The following LDLRAP1 variants were observed in gnomAD, a reference collection of about 807,000 sequenced individuals.
LDLRAP1 encodes the protein low density lipoprotein receptor adaptor protein 1.
In LDLRAP1, 30 loss-of-function variants were observed where a neutral mutation model predicts 37.8. The ratio of observed to expected loss-of-function variants is 0.79; its 90% confidence interval spans 0.59 to 1.08. The LOEUF (loss-of-function observed/expected upper bound fraction) is 1.08. LDLRAP1 is among the 50% of genes least tolerant of loss of function. The pLI is 0.00. For missense variants in LDLRAP1, 375 were observed against 401.6 expected (o/e 0.93, Z 0.57); for synonymous variants, 156 against 169.8 (o/e 0.92, Z 0.63).
At chr1:25,586,525 CAT>C in the LDLRAP1 span, among the ~76,000 whole-genome samples, 2 of 151,274 alleles carry the variant, frequency 1.3e-5, no homozygotes, top group Non-Finnish European at 1.5e-5. The surrounding 1 kb of genome is among the most constrained non-coding windows in gnomAD (Gnocchi z 4.3). Context: ...TGTGTGCCTA[CAT>C]GTGTGTGCGT....
In LDLRAP1 at chr1:25,544,406, G is replaced by A. The variant is rs1447042169; in HGVS notation, c.88+620G>A. ...GCCTCGGGAGAGCCCCACATCAGGC[G>A]ATCTAGACCCTTACGTCCCTTCCTC... On this transcript the variant is annotated intron_variant, in intron 1 of 8. Transcript: ENST00000374338. This position sits in a 1 kb window ranked among gnomAD's most constrained non-coding sequence, Gnocchi z 4.8. Among the ~76,000 whole-genome samples the A allele has an allele frequency of 1.3e-5, 2 of 152,234 alleles. No homozygotes were observed. The highest frequency in any genetic ancestry group is 4.8e-5 in the African/African-American group (2 of 41,464).
chr1:25,545,377 A>G (rs1167017818), intron 1 of LDLRAP1, among the ~76,000 whole-genome samples: 2 of 152,216 alleles, frequency 1.3e-5, no homozygotes, highest in African/African-American at 2.4e-5. Flanking sequence ...GCCATCTTCA[A>G]TCTTGAGCAA....
At position 25,554,192 on chromosome 1, in the gene LDLRAP1, T is replaced by C. The variant is rs2044147276; in HGVS notation, c.231+128T>C. 2 of 1,200,734 alleles carry C rather than the reference T, an allele frequency of 1.7e-6. No individual in the cohort carries two copies. The highest frequency in any genetic ancestry group is 3.9e-5 in the Admixed American group (2 of 50,686). 74.4% of individuals were successfully genotyped at this position (1,200,734 alleles called of 1,614,324 possible). ...AGCCTGGCCCTGCCCTTCATTCTCC[T>C]TCCATCCAGCTTTTGGGCCTTGGCA... is the stretch of plus-strand genomic sequence containing the variant. On this transcript the variant is annotated intron_variant, in intron 2 of 8. Coordinates refer to ENST00000374338, the MANE Select transcript of LDLRAP1 (RefSeq NM_015627.3). The surrounding 1 kb of genome is among the most constrained non-coding windows in gnomAD (Gnocchi z 5.4).
At chr1:25,563,202 G>A (rs369156251) in intron 6 of LDLRAP1, 49 bp downstream of exon 6, 8 of 1,540,620 alleles carry the variant, frequency 5.2e-6, no homozygotes, top group South Asian at 2.2e-5. Flanking sequence ...TTGGGGTTGC[G>A]CTTCACCCAG....
At chr1:25,586,521 C>T in the LDLRAP1 span, among the ~76,000 whole-genome samples, 2 of 151,346 alleles carry the variant, frequency 1.3e-5, no homozygotes, top group African/African-American at 4.9e-5. The surrounding 1 kb of genome is among the most constrained non-coding windows in gnomAD (Gnocchi z 4.3). Flanking sequence ...TGTGTGTGTG[C>T]CTACATGTGT....
At chr1:25,580,384 AT>A in the LDLRAP1 span, among the ~76,000 whole-genome samples, 1 of 152,198 alleles carries the variant, frequency 6.6e-6, no homozygotes, top group Non-Finnish European at 1.5e-5. Flanking sequence ...AAACAAAAAA[AT>A]TAAATTAAAA....
At chr1:25,547,511 A>G (rs1013998070) in intron 1 of LDLRAP1, among the ~76,000 whole-genome samples, 1 of 151,606 alleles carries the variant, frequency 6.6e-6, no homozygotes, top group African/African-American at 2.4e-5. Flanking sequence ...TAAATAAATA[A>G]ATAAATAAAT....
rs1050205627 is a variant in LDLRAP1, at chr1:25,568,776, C to G, written c.*1784C>G. The stretch of plus-strand genomic sequence containing the variant: ...GGCCTTCGTCTCCATCTCTGGTTGA[C>G]GGGCTGTCCGTGTGCCTCCTGTGTG... On this transcript the variant is annotated 3_prime_UTR_variant, in exon 9 of 9. Transcript: ENST00000374338. 1 of 152,242 alleles carries G rather than the reference C, an allele frequency of 6.6e-6. No individual in the cohort carries two copies. The highest frequency in any genetic ancestry group is 2.4e-5 in the African/African-American group (1 of 41,466). 9.4% of individuals were successfully genotyped at this position (152,242 alleles called of 1,614,324 possible). A position where few individuals can be genotyped will look rare whatever the true frequency, so the allele number is the denominator to read the frequency against.
At chr1:25,547,355 G>A (rs951644060) in intron 1 of LDLRAP1, among the ~76,000 whole-genome samples, 1 of 151,844 alleles carries the variant, frequency 6.6e-6, no homozygotes, top group Non-Finnish European at 1.5e-5. Context: ...GGGTGGTGCA[G>A]GCCTGTAATC....
intron 1 of LDLRAP1, among the ~76,000 whole-genome samples, chr1:25,547,210 C>T (rs776612399): frequency 2.5e-4 from 38 of 152,140 alleles, no homozygotes; most frequent in East Asian, 7.7e-4. Flanking sequence ...CAGCAGGGCG[C>T]GGTGGCTCAT....
intron 4 of LDLRAP1, among the ~76,000 whole-genome samples, chr1:25,559,819 G>T (rs545723836): frequency 2.0e-5 from 3 of 152,340 alleles, no homozygotes; most frequent in African/African-American, 7.2e-5. Context: ...GTCAGCCTCC[G>T]CACCTGCTGG....
At chr1:25,549,569 A>G (rs2044020865) in intron 1 of LDLRAP1, among the ~76,000 whole-genome samples, 1 of 152,234 alleles carries the variant, frequency 6.6e-6, no homozygotes, top group South Asian at 2.1e-4. Context: ...GCAGCAGGTC[A>G]TCTGTAAAAT....
At chr1:25,560,554 T>C (rs1557706505) in intron 4 of LDLRAP1, among the ~76,000 whole-genome samples, 1 of 152,180 alleles carries the variant, frequency 6.6e-6, no homozygotes, top group Non-Finnish European at 1.5e-5. Flanking sequence ...GTAAGCAAAG[T>C]GCTACCCCCA....
chr1:25,556,098 A>G (rs1486042746), intron 3 of LDLRAP1, among the ~76,000 whole-genome samples: 1 of 151,936 alleles, frequency 6.6e-6, no homozygotes, highest in Non-Finnish European at 1.5e-5. Flanking sequence ...CAGGGACCTA[A>G]CACCTTCACG....
chr1:25,562,818 G>A, intron 5 of LDLRAP1, 102 bp downstream of exon 5: 1 of 1,074,424 alleles, frequency 9.3e-7, no homozygotes, highest in Non-Finnish European at 1.4e-6. Context: ...TCACCCACCT[G>A]GCTTGTGACT....
rs1286946986 is a variant in LDLRAP1, at chr1:25,566,903, G to A, written c.838G>A (p.Asp280Asn). 2.5e-6 allele frequency: 4 copies of A among 1,613,264 alleles called. No homozygotes were observed. Among genetic ancestry groups the A allele is most frequent in the Non-Finnish European group, 3.4e-6 (4 of 1,179,892 alleles). The change falls in exon 9 of 9, where the codon GAC becomes AAC. Residue 280 changes from aspartate (D) to asparagine (N), a missense_variant. Asp to Asn is a conservative substitution (Grantham distance 23, BLOSUM62 1). Coordinates refer to ENST00000374338, the MANE Select transcript of LDLRAP1 (RefSeq NM_015627.3). ...CCTGGACACTGGCCTGACAGCCCAG[G>A]ACATGCATTACGCCCAGTGCCTCTC... ...QVLDTGLTAQ[D>N]MHYAQCLSPV...
intron 1 of LDLRAP1, among the ~76,000 whole-genome samples, chr1:25,546,602 C>T (rs1021357930): frequency 1.3e-5 from 2 of 152,188 alleles, no homozygotes; most frequent in Non-Finnish European, 2.9e-5. Flanking sequence ...CCCCTCAGCA[C>T]TCTTTCCAGA....
intron 1 of LDLRAP1, among the ~76,000 whole-genome samples, chr1:25,552,803 G>C (rs2044103652): frequency 6.6e-6 from 1 of 152,150 alleles, no homozygotes; most frequent in Admixed American, 6.5e-5. Flanking sequence ...TGTCCCTCCT[G>C]GTCCATTTGC....
chr1:25,584,698 A>G, the LDLRAP1 span, among the ~76,000 whole-genome samples: 1 of 152,054 alleles, frequency 6.6e-6, no homozygotes, highest in Non-Finnish European at 1.5e-5. Context: ...CCCTTCCCCC[A>G]CGTAAATCTA....
Sources: allele counts gnomAD v4.1 joint callset (sites outside exome capture counted in the v4.1 genomes callset), GRCh38; gene constraint gnomAD v4.1.1; non-coding constraint Gnocchi (gnomAD v3.1); transcripts MANE v1.5; gene names NCBI Gene and HGNC (gene_info 2026-07-23, HGNC 2026-07-21).